The following PPARA variants were observed in gnomAD, a reference collection of about 807,000 sequenced individuals.
PPARA encodes peroxisome proliferator-activated receptor alpha.
In PPARA, 22 loss-of-function variants were observed where a neutral mutation model predicts 42.2. The observed-to-expected ratio is 0.52, with a 90% CI of 0.37 to 0.74. The LOEUF is 0.74. PPARA is among the 30% of genes least tolerant of loss of function. The probability of loss-of-function intolerance (pLI) is 0.00; values close to 1 mark genes in which losing one functional copy is unlikely to be tolerated. For synonymous variants in PPARA, 242 were observed against 239.3 expected (o/e 1.01, Z -0.10); for missense variants, 465 against 608.2 (o/e 0.76, Z 2.48).
intron 7 of PPARA, among the ~76,000 whole-genome samples, chr22:46,226,559 A>G (rs1039002229): frequency 1.4e-4 from 21 of 152,202 alleles, no homozygotes; most frequent in Non-Finnish European, 4.4e-5. Flanking sequence ...AGCTTCAGTT[A>G]TGGAAGATTT....
chr22:46,194,498 C>A (rs143342204), intron 3 of PPARA, among the ~76,000 whole-genome samples: 1 of 151,650 alleles, frequency 6.6e-6, no homozygotes, highest in African/African-American at 2.4e-5. Flanking sequence ...GCTGAGAACA[C>A]GATGGGCGAA....
chr22:46,226,574 C>T (rs1226313554), intron 7 of PPARA, among the ~76,000 whole-genome samples: 1 of 152,152 alleles, frequency 6.6e-6, no homozygotes, highest in African/African-American at 2.4e-5. Context: ...AGATTTTACC[C>T]TCTGAGAATA....
rs1228514135 is a variant in PPARA, at chr22:46,230,966, G to C, written c.712-826G>C. 6.6e-6 allele frequency among the ~76,000 whole-genome samples: 1 copy of C among 152,194 alleles called. No homozygotes were observed. Among genetic ancestry groups the C allele is most frequent in the Non-Finnish European group, 1.5e-5 (1 of 68,032 alleles). On this transcript the variant is annotated intron_variant, in intron 7 of 8. Transcript: ENST00000407236. The surrounding 1 kb of genome is among the most constrained non-coding windows in gnomAD (Gnocchi z 5.0). ...GCCTCTTGCAATAGTCATTAGTTCAGAGAATATTTAAGAATATTAAAGGTG... is the reference window on the plus strand; with the variant it reads ...GCCTCTTGCAATAGTCATTAGTTCACAGAATATTTAAGAATATTAAAGGTG...
chr22:46,209,920 A>G (rs550724312), intron 4 of PPARA, among the ~76,000 whole-genome samples: 1 of 151,890 alleles, frequency 6.6e-6, no homozygotes, highest in Admixed American at 6.6e-5. Flanking sequence ...TAATTTTTAA[A>G]TTTTTTGAAG....
intron 4 of PPARA, among the ~76,000 whole-genome samples, chr22:46,198,955 G>T (rs996192561): frequency 6.6e-6 from 1 of 152,158 alleles, no homozygotes; most frequent in African/African-American, 2.4e-5. Flanking sequence ...CACCGCGCCC[G>T]GCCGAAAACT....
In PPARA at chr22:46,216,832, T is replaced by C. The variant is rs533581995; in HGVS notation, c.370-1431T>C. On this transcript the variant is annotated intron_variant, in intron 5 of 8. Coordinates refer to ENST00000407236, the MANE Select transcript of PPARA (RefSeq NM_005036.6). The surrounding 1 kb of genome is among the most constrained non-coding windows in gnomAD (Gnocchi z 4.5). ...TCAGCGTGGTGATGAGGAGAGCTCC[T>C]GTAGCAGCGTCCCTTTAGGGTTGCA... Among the ~76,000 whole-genome samples the C allele has an allele frequency of 1.3e-5, 2 of 152,366 alleles. No homozygotes were observed. The highest frequency in any genetic ancestry group is 3.9e-4 in the East Asian group (2 of 5,174).
intron 4 of PPARA, among the ~76,000 whole-genome samples, chr22:46,201,358 A>G (rs1346583872): frequency 1.3e-5 from 2 of 152,094 alleles, no homozygotes; most frequent in African/African-American, 4.8e-5. Context: ...CAGCTTTGGG[A>G]GTGACCCTGA....
intron 2 of PPARA, among the ~76,000 whole-genome samples, chr22:46,157,867 A>G (rs1477051135): frequency 6.6e-6 from 1 of 152,206 alleles, no homozygotes; most frequent in Non-Finnish European, 1.5e-5. Flanking sequence ...GCTCCATTTT[A>G]AGAGATTTGC....
chr22:46,235,519 C>G lies in PPARA; in HGVS notation c.*139C>G. On this transcript the variant is annotated 3_prime_UTR_variant, in exon 9 of 9. Transcript: ENST00000407236. The surrounding 1 kb of genome is among the most constrained non-coding windows in gnomAD (Gnocchi z 7.0). ...TTGGACAGTCTGAGCTGTAGGTAAC[C>G]GGCATATTATTCCATATCTTTGTTT... 3.5e-6 allele frequency: 4 copies of G among 1,132,516 alleles called. No homozygotes were observed. Among genetic ancestry groups the G allele is most frequent in the Non-Finnish European group, 5.1e-6 (4 of 785,222 alleles). The allele number at this position is 1,132,516 out of a possible 1,614,324, so 70.2% of individuals were successfully genotyped here. A position where few individuals can be genotyped will look rare whatever the true frequency, so the allele number is the denominator to read the frequency against.
rs1287081021 is a variant in PPARA at position 46,234,349 on chromosome 22, T to A, written c.1160-784T>A. Reference sequence around the variant, plus strand: ...AAATCCTCATCACTAGCAACCCTGTTAAGAATCATAGTAATGACTGGGTCT... The same window carrying A: ...AAATCCTCATCACTAGCAACCCTGTAAAGAATCATAGTAATGACTGGGTCT... On this transcript the variant is annotated intron_variant, in intron 8 of 8. Transcript: ENST00000407236. This position sits in a 1 kb window ranked among gnomAD's most constrained non-coding sequence, Gnocchi z 5.8. 2.0e-5 allele frequency among the ~76,000 whole-genome samples: 3 copies of A among 152,168 alleles called. No individual in the cohort carries two copies. Among genetic ancestry groups the A allele is most frequent in the Non-Finnish European group, 4.4e-5 (3 of 68,026 alleles).
In PPARA at chr22:46,231,660, C is replaced by T. The variant is rs1311906240; in HGVS notation, c.712-132C>T. 4.8e-5 allele frequency: 42 copies of T among 877,328 alleles called. No homozygotes were observed. Among genetic ancestry groups the T allele is most frequent in the Admixed American group, 2.0e-4 (10 of 49,472 alleles). The allele number at this position is 877,328 out of a possible 1,614,324, so 54.3% of individuals were successfully genotyped here. A position where few individuals can be genotyped will look rare whatever the true frequency, so the allele number is the denominator to read the frequency against. ...TTGAAGTTGAGTAAGGACTATGTTC[C>T]GCGGGTATCTTGAGTCCTCTGAGGC... On this transcript the variant is annotated intron_variant, in intron 7 of 8. Transcript: ENST00000407236. The surrounding 1 kb of genome is among the most constrained non-coding windows in gnomAD (Gnocchi z 7.7).
intron 2 of PPARA, among the ~76,000 whole-genome samples, chr22:46,174,598 C>T (rs930371564): frequency 6.6e-6 from 1 of 152,050 alleles, no homozygotes; most frequent in Admixed American, 6.6e-5. Flanking sequence ...GGGAGGATCA[C>T]CTGAGCTCAG....
At chr22:46,159,546 C>A (rs374702430) in intron 2 of PPARA, among the ~76,000 whole-genome samples, 4 of 152,146 alleles carry the variant, frequency 2.6e-5, no homozygotes, top group South Asian at 4.1e-4. Flanking sequence ...AAGTTTAGAA[C>A]GCGATTTTCA....
chr22:46,217,604 T>C (rs924232468), intron 5 of PPARA, among the ~76,000 whole-genome samples: 9 of 152,130 alleles, frequency 5.9e-5, no homozygotes, highest in African/African-American at 2.2e-4. Flanking sequence ...TATGGAAATG[T>C]CACAATGCTG....
Position 46,162,004 on chromosome 22 carries a change from C to A in PPARA, c.-127+10034C>A, listed in dbSNP as rs1284162381. 6.6e-6 allele frequency among the ~76,000 whole-genome samples: 1 copy of A among 152,190 alleles called. No homozygotes were observed. The highest frequency in any genetic ancestry group is 1.5e-5 in the Non-Finnish European group (1 of 68,042). On this transcript the variant is annotated intron_variant, in intron 2 of 8. Coordinates refer to ENST00000407236, the MANE Select transcript of PPARA (RefSeq NM_005036.6). The surrounding 1 kb of genome is among the most constrained non-coding windows in gnomAD (Gnocchi z 6.0). ...GATTCTGAGCTGTCCTGCGTTTTCCCCTCCCCTCACCCTGGCGACCCTTTT... is the reference window on the plus strand; with the variant it reads ...GATTCTGAGCTGTCCTGCGTTTTCCACTCCCCTCACCCTGGCGACCCTTTT...
chr22:46,236,388 C>G lies in PPARA; in HGVS notation c.*1008C>G, dbSNP rs1282029798. The G allele has an allele frequency of 1.3e-5, 2 of 152,666 alleles. No individual in the cohort carries two copies. The highest frequency in any genetic ancestry group is 2.4e-5 in the African/African-American group (1 of 41,466). The allele number at this position is 152,666 out of a possible 1,614,324, so 9.5% of individuals were successfully genotyped here. On this transcript the variant is annotated 3_prime_UTR_variant, in exon 9 of 9. Transcript: ENST00000407236. The surrounding 1 kb of genome is among the most constrained non-coding windows in gnomAD (Gnocchi z 5.2). ...GGTTTGCGTAGAAGAGCCCAGAAAA[C>G]AGAGTCTCAAGACCCCCGCTCTGGA...
Position 46,216,175 on chromosome 22 carries a change from G to A in PPARA, c.369+842G>A, listed in dbSNP as rs936670028. On this transcript the variant is annotated intron_variant, in intron 5 of 8. Coordinates refer to ENST00000407236, the MANE Select transcript of PPARA (RefSeq NM_005036.6). The surrounding 1 kb of genome is among the most constrained non-coding windows in gnomAD (Gnocchi z 4.5). ...AGGCGGCTGGATCACCTGAGGTCAGGAGTTCAAGACCAGCCTGGCCAACAT... is the reference window on the plus strand; with the variant it reads ...AGGCGGCTGGATCACCTGAGGTCAGAAGTTCAAGACCAGCCTGGCCAACAT... Among the ~76,000 whole-genome samples the A allele has an allele frequency of 9.9e-5, 15 of 152,076 alleles. No individual in the cohort carries two copies. The highest frequency in any genetic ancestry group is 2.0e-4 in the Admixed American group (3 of 15,256).
rs1382679023 is a variant in PPARA, at chr22:46,195,325, C to T, written c.-42-3017C>T. On this transcript the variant is annotated intron_variant, in intron 3 of 8. Transcript: ENST00000407236. The surrounding 1 kb of genome is among the most constrained non-coding windows in gnomAD (Gnocchi z 4.6). ...AAGTAATGCTTACCCCATTATGTTT[C>T]TTGTCATTTGAAAAAAAATCTCCCT... 6.6e-6 allele frequency among the ~76,000 whole-genome samples: 1 copy of T among 152,122 alleles called. No individual in the cohort carries two copies. The highest frequency in any genetic ancestry group is 2.4e-5 in the African/African-American group (1 of 41,434).
In PPARA at chr22:46,192,766, A is replaced by T. The variant is rs1245869097; in HGVS notation, c.-42-5576A>T. On this transcript the variant is annotated intron_variant, in intron 3 of 8. Coordinates refer to ENST00000407236, the MANE Select transcript of PPARA (RefSeq NM_005036.6). The surrounding 1 kb of genome is among the most constrained non-coding windows in gnomAD (Gnocchi z 4.3). Reference sequence around the variant, plus strand: ...GACAAATAGATAAAGGAAATGTGATATATATACACAATGGAGTACTATTCA... The same window carrying T: ...GACAAATAGATAAAGGAAATGTGATTTATATACACAATGGAGTACTATTCA... Among the ~76,000 whole-genome samples, 9 of 152,242 alleles carry T rather than the reference A, an allele frequency of 5.9e-5. No individual in the cohort carries two copies. In the East Asian group the frequency reaches 1.7e-3, roughly 29 times the overall value.
Sources: gnomAD v4.1 joint callset for allele counts (sites outside exome capture counted in the v4.1 genomes callset) on GRCh38, gnomAD v4.1.1 for gene constraint, Gnocchi (gnomAD v3.1) non-coding constraint, MANE v1.5 for transcripts, NCBI Gene and HGNC (gene_info 2026-07-23, HGNC 2026-07-21) for gene names.